Variants in CSMD2 observed in about 807,000 individuals in gnomAD.
CSMD2 encodes CUB and Sushi multiple domains 2.
In CSMD2, 130 loss-of-function variants were observed where a neutral mutation model predicts 398.5. The ratio of observed to expected loss-of-function variants is 0.33; its 90% CI spans 0.28 to 0.38. CSMD2 has a LOEUF of 0.38. Among genes scored for constraint, CSMD2 ranks in the 10% least tolerant of loss-of-function variants. The pLI, the probability that CSMD2 is intolerant of heterozygous loss-of-function variation, is 1.00. For synonymous variants in CSMD2, 1,828 were observed against 1,908.5 expected (o/e 0.96, Z 1.10); for missense variants, 3,829 against 4,764.9 (o/e 0.80, Z 5.78).
chr1:34,114,842 C>G (rs1661449624), intron 1 of CSMD2, among the ~76,000 whole-genome samples: 1 of 152,040 alleles, frequency 6.6e-6, no homozygotes, highest in Non-Finnish European at 1.5e-5. Context: ...AATAGACAAA[C>G]TAAATAAAAT....
At chr1:33,694,182 A>C (rs967744377) in intron 24 of CSMD2, among the ~76,000 whole-genome samples, 16 of 152,252 alleles carry the variant, frequency 1.1e-4, no homozygotes, top group African/African-American at 3.9e-4. Flanking sequence ...GATTCCACTT[A>C]TGTGAAATAC....
intron 3 of CSMD2, among the ~76,000 whole-genome samples, chr1:34,022,599 G>A (rs918841927): frequency 2.6e-5 from 4 of 152,166 alleles, no homozygotes; most frequent in Middle Eastern, 3.2e-3. Context: ...GCAGCCTCTT[G>A]GATTTAGTTT....
intron 1 of CSMD2, among the ~76,000 whole-genome samples, chr1:34,140,350 C>CT (rs1639167870): frequency 3.7e-4 from 1 of 2,682 alleles, no homozygotes; most frequent in Non-Finnish European, 4.9e-3. Context: ...GAAAGCATGG[C>CT]CCTGTGAGCT....
intron 13 of CSMD2, among the ~76,000 whole-genome samples, chr1:33,749,492 A>G (rs972862925): frequency 6.6e-6 from 1 of 152,244 alleles, no homozygotes; most frequent in Non-Finnish European, 1.5e-5. Flanking sequence ...ATAAAGAAAT[A>G]AAATAAGTGC....
chr1:33,941,788 C>T (rs889799281), intron 3 of CSMD2, among the ~76,000 whole-genome samples: 25 of 151,992 alleles, frequency 1.6e-4, no homozygotes, highest in Non-Finnish European at 2.9e-4. Flanking sequence ...TCTATACTTG[C>T]TGTCTCCATT....
At chr1:33,947,541 T>C (rs562487882) in intron 3 of CSMD2, among the ~76,000 whole-genome samples, 4 of 152,262 alleles carry the variant, frequency 2.6e-5, no homozygotes, top group African/African-American at 9.6e-5. Flanking sequence ...AACTTGTATT[T>C]TACTGGAAGA....
chr1:33,671,591 C>T (rs1368767417), intron 25 of CSMD2, among the ~76,000 whole-genome samples: 1 of 152,128 alleles, frequency 6.6e-6, no homozygotes, highest in Admixed American at 6.5e-5. Flanking sequence ...CACACCCACG[C>T]CCCCACCAAC....
At chr1:33,543,596 A>C (rs1656570251) in intron 57 of CSMD2, among the ~76,000 whole-genome samples, 3 of 152,224 alleles carry the variant, frequency 2.0e-5, no homozygotes, top group African/African-American at 7.2e-5. Flanking sequence ...TGCCTGCCTA[A>C]TGTGGCATTA....
intron 9 of CSMD2, among the ~76,000 whole-genome samples, chr1:33,816,168 A>G (rs1426553993): frequency 6.6e-6 from 1 of 152,226 alleles, no homozygotes; most frequent in Non-Finnish European, 1.5e-5. Context: ...TCTAAGTCCC[A>G]AGCTTGGTAT....
Position 33,616,916 on chromosome 1 carries a change from T to C in CSMD2, c.6006A>G (p.Pro2002=), listed in dbSNP as rs1166154159. ...GTVRRWNYPP[P]LCIAQCGGTV... is the part of the protein sequence containing the mutation. ...TCTGGGCTGTCTTACCAATACAGAG[T>C]GGAGGAGGGTAGTTCCATCGCCGCA... Residue 2002 remains proline, a synonymous_variant, in exon 39 of 71, where the codon CCA becomes CCG. Coordinates refer to ENST00000373381, the MANE Select transcript of CSMD2 (RefSeq NM_001281956.2). The C allele has an allele frequency of 5.6e-6, 9 of 1,613,528 alleles. No individual in the cohort carries two copies. Among genetic ancestry groups the C allele is most frequent in the African/African-American group, 4.0e-5 (3 of 74,776 alleles).
At chr1:33,754,235 T>C (rs1444349885) in intron 13 of CSMD2, among the ~76,000 whole-genome samples, 1 of 152,176 alleles carries the variant, frequency 6.6e-6, no homozygotes. Flanking sequence ...TGGGGTTAGA[T>C]TCTTCATGAG....
rs78166431 is a variant in CSMD2, at chr1:33,652,591, C to T, written c.4448-130G>A. 4,343 of 969,848 alleles carry T rather than the reference C, an allele frequency of 4.5e-3. 17 individuals carry two copies. Among genetic ancestry groups the T allele is most frequent in the Non-Finnish European group, 5.7e-3 (3,723 of 656,478 alleles). The allele number at this position is 969,848 out of a possible 1,614,324, so 60.1% of individuals were successfully genotyped here. On this transcript the variant is annotated intron_variant, in intron 27 of 70. Coordinates refer to ENST00000373381, the MANE Select transcript of CSMD2 (RefSeq NM_001281956.2). ...GCTGAAGTTGAACCTGGCTTAGGGA[C>T]TCAGGAGAAGGTGAAATGATGGACT...
intron 1 of CSMD2, among the ~76,000 whole-genome samples, chr1:34,144,040 T>A (rs566990382): frequency 1.5e-4 from 23 of 152,318 alleles, no homozygotes; most frequent in Non-Finnish European, 2.8e-4. Flanking sequence ...TATTTAAATA[T>A]GCCACAGAGA....
chr1:33,772,717 T>G lies in CSMD2; in HGVS notation c.1698A>C (p.Ile566=). 6.2e-7 allele frequency: 1 copy of G among 1,614,014 alleles called. No homozygotes were observed. Among genetic ancestry groups the G allele is most frequent in the Non-Finnish European group, 8.5e-7 (1 of 1,179,912 alleles). ...IEQGSCGDPG[I]PAYGRREGSR... is the part of the protein sequence containing the mutation. ...AGCCTTCCCTCCGGCCATATGCAGG[T>G]ATGCCAGGGTCACCGCAACTGCCCT... Residue 566 remains isoleucine (I), a synonymous_variant, in exon 13 of 71, where the codon ATA becomes ATC. Transcript: ENST00000373381.
rs1386058849 is a variant in CSMD2 at position 33,918,231 on chromosome 1, C to T, written c.783G>A (p.Glu261=). Residue 261 remains glutamate (E), a synonymous_variant, in exon 5 of 71, where the codon GAG becomes GAA. Transcript: ENST00000373381. The part of the protein sequence containing the change: ...GIISSPHFPS[E]YHNNADCTWT... ...ATGTGCAGTCGGCATTGTTATGGTA[C>T]TCCGAGGGGAAGTGGGGGCTGGAGA... The T allele has an allele frequency of 8.1e-6, 13 of 1,614,146 alleles. No homozygotes were observed. The highest frequency in any genetic ancestry group is 1.3e-5 in the African/African-American group (1 of 75,050).
chr1:34,028,477 T>C (rs1338349009), intron 3 of CSMD2, among the ~76,000 whole-genome samples: 1 of 152,204 alleles, frequency 6.6e-6, no homozygotes, highest in Admixed American at 6.5e-5. Context: ...ACATCTCTTG[T>C]TGCCTCCATG....
At chr1:33,795,549 C>A (rs1399133124) in intron 10 of CSMD2, among the ~76,000 whole-genome samples, 1 of 152,192 alleles carries the variant, frequency 6.6e-6, no homozygotes, top group African/African-American at 2.4e-5. Context: ...TATTCATGAC[C>A]CTGACTTACG....
At chr1:33,639,961 T>C (rs1301322370) in intron 29 of CSMD2, among the ~76,000 whole-genome samples, 1 of 152,208 alleles carries the variant, frequency 6.6e-6, no homozygotes, top group African/African-American at 2.4e-5. Context: ...AGGAATATGG[T>C]GATCAGAGAG....
intron 5 of CSMD2, among the ~76,000 whole-genome samples, chr1:33,898,813 C>T (rs1642562013): frequency 6.6e-6 from 1 of 152,176 alleles, no homozygotes; most frequent in Non-Finnish European, 1.5e-5. Context: ...GCCACGTCAG[C>T]GTCCAGGATG....
Sources: gnomAD v4.1 joint callset for allele counts (sites outside exome capture counted in the v4.1 genomes callset) on GRCh38, gnomAD v4.1.1 for gene constraint, MANE v1.5 for transcripts, NCBI Gene and HGNC (gene_info 2026-07-23, HGNC 2026-07-21) for gene names.